The following DPP6 variants were observed in gnomAD, a reference collection of about 807,000 sequenced individuals.
DPP6 encodes the protein dipeptidyl peptidase like 6.
A neutral mutation model predicts 122.6 loss-of-function variants in DPP6; 69 were observed. That is an observed-to-expected ratio of 0.56 (90% CI 0.46 to 0.69). DPP6 has a LOEUF of 0.69. Ranked by LOEUF, DPP6 falls within the 30% of genes least tolerant of loss-of-function variation. DPP6 has a pLI of 0.00. For missense variants in DPP6, 928 were observed against 1,116.9 expected, an observed-to-expected ratio of 0.83 and a Z score of 2.41; for synonymous variants, 418 against 433.1, an observed-to-expected ratio of 0.97 and a Z score of 0.43.
At chr7:154,633,492 T>G (rs1360100717) in intron 5 of DPP6, among the ~76,000 whole-genome samples, 1 of 152,188 alleles carries the variant, frequency 6.6e-6, no homozygotes, top group Non-Finnish European at 1.5e-5. Context: ...CGCCTCAGCC[T>G]CCCAAAGTGC....
At chr7:154,696,087 C>T (rs1031007453) in intron 7 of DPP6, among the ~76,000 whole-genome samples, 3 of 152,194 alleles carry the variant, frequency 2.0e-5, no homozygotes, top group African/African-American at 7.2e-5. Context: ...CCATGCCGGG[C>T]GCTGAACCAC....
intron 16 of DPP6, among the ~76,000 whole-genome samples, chr7:154,810,666 C>A (rs1167063222): frequency 6.6e-6 from 1 of 152,034 alleles, no homozygotes; most frequent in Non-Finnish European, 1.5e-5. Context: ...ACACGACTGA[C>A]CCAGCCCCCA....
At chr7:154,178,364 CTT>C (rs1164618497) in intron 1 of DPP6, among the ~76,000 whole-genome samples, 1 of 144,778 alleles carries the variant, frequency 6.9e-6, no homozygotes. Flanking sequence ...TGCTGACCAT[CTT>C]TTTTTTTTTT....
chr7:153,980,699 C>T (rs1403631112), intron 1 of DPP6, among the ~76,000 whole-genome samples: 6 of 152,136 alleles, frequency 3.9e-5, no homozygotes, highest in South Asian at 4.1e-4. Context: ...CATAAATGTC[C>T]GTCTAAATAC....
chr7:154,008,901 G>T (rs1171451818), intron 1 of DPP6, among the ~76,000 whole-genome samples: 1 of 149,344 alleles, frequency 6.7e-6, no homozygotes, highest in Non-Finnish European at 1.5e-5. Context: ...TCCTGACCTC[G>T]TGATCCGCCC....
intron 7 of DPP6, among the ~76,000 whole-genome samples, chr7:154,703,829 C>T (rs1165261736): frequency 6.7e-6 from 1 of 149,942 alleles, no homozygotes; most frequent in African/African-American, 2.5e-5. Context: ...CCCACCTACT[C>T]AGGGGGCTGA....
At chr7:154,201,834 C>T (rs578138017) in intron 1 of DPP6, among the ~76,000 whole-genome samples, 1 of 152,214 alleles carries the variant, frequency 6.6e-6, no homozygotes, top group African/African-American at 2.4e-5. Flanking sequence ...AACACATGTC[C>T]TGAAACCATC....
rs368958324 is a variant in DPP6, at chr7:154,299,746, T to A, written c.244-146468T>A. Among the ~76,000 whole-genome samples the A allele has an allele frequency of 4.3e-4, 65 of 152,348 alleles. No homozygotes were observed. The East Asian group carries it at 0.012, about 28-fold the overall frequency. On this transcript the variant is annotated intron_variant, in intron 1 of 25. Coordinates refer to ENST00000377770, the MANE Select transcript of DPP6 (RefSeq NM_130797.4). ...GCAAATCAGCCGGCAGGCCTATTTC[T>A]TGTAGGGCTTTCGTCTGCACATAGT... is the stretch of plus-strand genomic sequence containing the variant.
At chr7:153,749,740 C>T in the DPP6 span, among the ~76,000 whole-genome samples, 2 of 152,190 alleles carry the variant, frequency 1.3e-5, no homozygotes, top group Non-Finnish European at 2.9e-5. The surrounding 1 kb of genome is among the most constrained non-coding windows in gnomAD (Gnocchi z 4.1). Flanking sequence ...CACCTGTCTG[C>T]CATTCCGCTT....
chr7:154,103,548 G>A (rs145624128), intron 1 of DPP6, among the ~76,000 whole-genome samples: 18,164 of 151,428 alleles, frequency 0.12, 436 homozygotes, highest in South Asian at 0.2. Context: ...AACTTGATTG[G>A]ATTGAAGGAT....
rs1171936780 is a variant in DPP6, at chr7:153,948,737, C to T, written c.51+61003C>T. Among the ~76,000 whole-genome samples the T allele has an allele frequency of 2.7e-5, 4 of 147,074 alleles. No individual in the cohort carries two copies. The South Asian group carries it at 9.2e-4, about 34-fold the overall frequency. ...ACCTGTCCTCTATAATATAGACTAC[C>T]TTCCCTTCAAAACACCCTCCCCGAG... On this transcript the variant is annotated intron_variant, in intron 1 of 25. Transcript: ENST00000404039.
chr7:154,646,091 T>C (rs558046596), intron 6 of DPP6, among the ~76,000 whole-genome samples: 2 of 143,056 alleles, frequency 1.4e-5, no homozygotes, highest in East Asian at 4.3e-4. Flanking sequence ...AGACCTTCCA[T>C]AATATGGCCA....
intron 1 of DPP6, among the ~76,000 whole-genome samples, chr7:154,351,765 G>A (rs1192806564): frequency 6.6e-6 from 1 of 152,176 alleles, no homozygotes; most frequent in African/African-American, 2.4e-5. Flanking sequence ...CCTTGGAATT[G>A]GAGCCAAGAC....
intron 12 of DPP6, 88 bp from the exon 13 acceptor site, chr7:154,801,267 G>A: frequency 1.3e-6 from 2 of 1,501,904 alleles, no homozygotes; most frequent in Non-Finnish European, 1.8e-6. Flanking sequence ...CATAGAAAAT[G>A]TATCTCGGGG....
intron 1 of DPP6, among the ~76,000 whole-genome samples, chr7:154,054,184 A>G (rs1040927483): frequency 1.2e-4 from 19 of 152,034 alleles, no homozygotes; most frequent in African/African-American, 3.6e-4. Context: ...CACTTAGTCT[A>G]CCCTGACATA....
chr7:154,305,965 C>A lies in DPP6; in HGVS notation c.244-140249C>A, dbSNP rs367899518. 3.3e-5 allele frequency among the ~76,000 whole-genome samples: 5 copies of A among 152,286 alleles called. No homozygotes were observed. The East Asian group carries it at 7.7e-4, about 24-fold the overall frequency. On this transcript the variant is annotated intron_variant, in intron 1 of 25. Transcript: ENST00000377770. ...GGGGGAAGAGGGTTGTAGCCAGAAACATCAGCGTATTCTGACCCTCCAACA... is the reference window on the plus strand; with the variant it reads ...GGGGGAAGAGGGTTGTAGCCAGAAAAATCAGCGTATTCTGACCCTCCAACA...
At chr7:154,561,063 C>T (rs1306187944) in intron 4 of DPP6, among the ~76,000 whole-genome samples, 27 of 151,948 alleles carry the variant, frequency 1.8e-4, no homozygotes, top group Admixed American at 1.6e-3. Flanking sequence ...ACTTAAGAAT[C>T]CTAAAGATGT....
chr7:153,988,971 C>T (rs1399968348), intron 1 of DPP6, among the ~76,000 whole-genome samples: 14 of 150,572 alleles, frequency 9.3e-5, no homozygotes, highest in Non-Finnish European at 1.6e-4. Flanking sequence ...GGGATTTCTC[C>T]GCGCAGAAAA....
At chr7:154,115,457 T>G (rs1347652742) in intron 1 of DPP6, among the ~76,000 whole-genome samples, 1 of 152,228 alleles carries the variant, frequency 6.6e-6, no homozygotes, top group East Asian at 1.9e-4. Flanking sequence ...TTCATTCTCA[T>G]GGCTCTTATC....
Sources: allele counts gnomAD v4.1 joint callset (sites outside exome capture counted in the v4.1 genomes callset), GRCh38; gene constraint gnomAD v4.1.1; non-coding constraint Gnocchi (gnomAD v3.1); transcripts MANE v1.5; gene names NCBI Gene and HGNC (gene_info 2026-07-23, HGNC 2026-07-21).